Variants in ADGRB2 observed in about 807,000 individuals in gnomAD.
ADGRB2 encodes the protein adhesion G protein-coupled receptor B2, also known as brain-specific angiogenesis inhibitor 2.
A neutral mutation model predicts 178.7 loss-of-function variants in ADGRB2; 47 were observed. That is an observed-to-expected ratio of 0.26 (90% confidence interval 0.21 to 0.34). ADGRB2 has a LOEUF of 0.34. Among genes scored for constraint, ADGRB2 ranks in the 10% least tolerant of loss-of-function variants. ADGRB2 has a pLI of 1.00. For synonymous variants in ADGRB2, 870 were observed against 912.4 expected, an observed-to-expected ratio of 0.95 and a Z score of 0.84; for missense variants, 1,584 against 2,180.8, an observed-to-expected ratio of 0.73 and a Z score of 5.45.
In ADGRB2 at chr1:31,731,195, C is replaced by G; in HGVS notation, c.3985G>C (p.Glu1329Gln). 3.7e-6 allele frequency: 6 copies of G among 1,600,144 alleles called. No homozygotes were observed. Among genetic ancestry groups the G allele is most frequent in the Non-Finnish European group, 5.1e-6 (6 of 1,174,096 alleles). The change falls in exon 29 of 33, where the codon GAG (glutamate) becomes CAG (glutamine). Residue 1329 changes from glutamate to glutamine, a missense_variant. Glu to Gln is a conservative substitution (Grantham distance 29, BLOSUM62 2). Around this residue, in one of 3 missense-constraint regions of ADGRB2, gnomAD observed 865 missense variants for 1,192.8 expected, o/e 0.73. Coordinates refer to ENST00000373658, the MANE Select transcript of ADGRB2 (RefSeq NM_001364857.2). ...QEANPVYMCG[E>Q]GGLRQLDLTW... Reference sequence around the variant, plus strand: ...AGGTCCAGCTGCCGCAGGCCACCCTCCCCACACATGTAAACAGGGTTGGCC... The same window carrying G: ...AGGTCCAGCTGCCGCAGGCCACCCTGCCCACACATGTAAACAGGGTTGGCC...
rs1484589360 is a variant in ADGRB2, at chr1:31,739,292, C to T, written c.2495+16G>A. 3.5e-6 allele frequency: 5 copies of T among 1,445,062 alleles called. No individual in the cohort carries two copies. The South Asian group carries it at 4.5e-5, about 13-fold the overall frequency. The allele number at this position is 1,445,062 out of a possible 1,614,324, so 89.5% of individuals were successfully genotyped here. On this transcript the variant is annotated intron_variant, in intron 15 of 32. Coordinates refer to ENST00000373658, the MANE Select transcript of ADGRB2 (RefSeq NM_001364857.2). ...TGGACCCTCAGCAGCCCCAGCCACCCATCCCCAGGACTCACCTGGGAGGCG... is the reference window on the plus strand; with the variant it reads ...TGGACCCTCAGCAGCCCCAGCCACCTATCCCCAGGACTCACCTGGGAGGCG...
rs758481114 is a variant in ADGRB2, at chr1:31,739,974, C to T, written c.2119G>A (p.Asp707Asn). 1.1e-5 allele frequency: 18 copies of T among 1,614,038 alleles called. No individual in the cohort carries two copies. Among genetic ancestry groups the T allele is most frequent in the Admixed American group, 5.0e-5 (3 of 60,014 alleles). Residue 707 changes from aspartate to asparagine, a missense_variant, in exon 14 of 33, where the codon GAT (aspartate) becomes AAT (asparagine). Around this residue, in one of 3 missense-constraint regions of ADGRB2, gnomAD observed 62 missense variants for 140.3 expected, o/e 0.44. Transcript: ENST00000373658. ...VVEDFIHLVG[D>N]ALKAFQSSLI... ...GAGCTCTGGAAGGCCTTGAGAGCAT[C>T]GCCCACCAGGTGAATGAAGTCCTCC...
intron 1 of ADGRB2, among the ~76,000 whole-genome samples, chr1:31,762,816 G>A (rs897286954): frequency 3.9e-5 from 6 of 152,318 alleles, no homozygotes; most frequent in Middle Eastern, 3.4e-3. Context: ...CAGGCTTCGG[G>A]CAGGGGGCGC....
rs564628352 is a variant in ADGRB2 at position 31,728,579 on chromosome 1, GCA to G, written c.4416+17_4416+18del. The G allele has an allele frequency of 1.3e-4, 216 of 1,614,088 alleles. No homozygotes were observed. In the African/African-American group the frequency reaches 2.7e-3, roughly 21 times the overall value. On this transcript the variant is annotated intron_variant, in intron 30 of 32. Transcript: ENST00000373658. The surrounding 1 kb of genome is among the most constrained non-coding windows in gnomAD (Gnocchi z 6.7). ...CCACAGCCAGATGTCCCACCGCCCA[GCA>G]CACACATGGCCCTTACCTCAAAGTC...
At chr1:31,762,353 C>T (rs553616374) in intron 1 of ADGRB2, among the ~76,000 whole-genome samples, 4 of 152,242 alleles carry the variant, frequency 2.6e-5, no homozygotes, top group African/African-American at 9.6e-5. Flanking sequence ...GCAGAGGATA[C>T]TCCCCAGGTG....
Position 31,764,110 on chromosome 1 carries a change from C to A in ADGRB2, c.-417G>T. The A allele has an allele frequency of 1.2e-6, 1 of 852,088 alleles. No individual in the cohort carries two copies. Among genetic ancestry groups the A allele is most frequent in the Non-Finnish European group, 1.4e-6 (1 of 713,906 alleles). The allele number at this position is 852,088 out of a possible 1,614,324, so 52.8% of individuals were successfully genotyped here. ...CGCCGGGCCGGGCGCGGGCTCCTGC[C>A]GCCGCCGCCGCCGCCGCCTCCTTGC... On this transcript the variant is annotated 5_prime_UTR_variant, in exon 1 of 33. Coordinates refer to ENST00000373658, the MANE Select transcript of ADGRB2 (RefSeq NM_001364857.2). The surrounding 1 kb of genome is among the most constrained non-coding windows in gnomAD (Gnocchi z 7.3).
At position 31,754,319 on chromosome 1, in the gene ADGRB2, G is replaced by A. The variant is rs1286239913; in HGVS notation, c.838+1680C>T. The stretch of plus-strand genomic sequence containing the variant: ...TGCCCGCCCATGAGGGCAGAGCCTT[G>A]CTCCGTCCACTGCAGATCACTGGAC... On this transcript the variant is annotated intron_variant, in intron 4 of 32. Coordinates refer to ENST00000373658, the MANE Select transcript of ADGRB2 (RefSeq NM_001364857.2). The surrounding 1 kb of genome is among the most constrained non-coding windows in gnomAD (Gnocchi z 5.7). Among the ~76,000 whole-genome samples the A allele has an allele frequency of 1.3e-5, 2 of 152,248 alleles. No individual in the cohort carries two copies. Among genetic ancestry groups the A allele is most frequent in the Non-Finnish European group, 2.9e-5 (2 of 68,038 alleles).
intron 1 of ADGRB2, among the ~76,000 whole-genome samples, chr1:31,762,330 C>T (rs1317621051): frequency 1.3e-5 from 2 of 152,152 alleles, no homozygotes; most frequent in Non-Finnish European, 2.9e-5. Context: ...CTGCCCCTCA[C>T]CCCAGTAGCA....
Position 31,735,574 on chromosome 1 carries a change from C to G in ADGRB2, c.3353+6G>C, listed in dbSNP as rs12409382. The G allele has an allele frequency of 6.9e-5, 111 of 1,613,762 alleles. No homozygotes were observed. Among genetic ancestry groups the G allele is most frequent in the Admixed American group, 2.5e-4 (15 of 60,012 alleles). On this transcript the variant is annotated splice_donor_region_variant and intron_variant, in intron 24 of 32. Coordinates refer to ENST00000373658, the MANE Select transcript of ADGRB2 (RefSeq NM_001364857.2). The surrounding 1 kb of genome is among the most constrained non-coding windows in gnomAD (Gnocchi z 6.0). ...AAAGGCCAAGTCTCAGAGGCCCCCCCCTTACCCGGCCCTCTGCTTCTTGGA... is the reference window on the plus strand; with the variant it reads ...AAAGGCCAAGTCTCAGAGGCCCCCCGCTTACCCGGCCCTCTGCTTCTTGGA...
At chr1:31,732,074 C>T in intron 28 of ADGRB2, 41 bp downstream of exon 28, 1 of 1,612,540 alleles carries the variant, frequency 6.2e-7, no homozygotes, top group South Asian at 1.1e-5. Flanking sequence ...CCTTCTTCTC[C>T]AACCCCAGGA....
In ADGRB2 at chr1:31,759,282, T is replaced by C. The variant is rs1395401767; in HGVS notation, c.-190-1771A>G. On this transcript the variant is annotated intron_variant, in intron 1 of 32. Transcript: ENST00000373658. This position sits in a 1 kb window ranked among gnomAD's most constrained non-coding sequence, Gnocchi z 4.3. ...GTGTAGAGGCTTACACTTGTACACA[T>C]GCACAGAGGTGCACACGCATTCTCG... 1.3e-6 allele frequency: 1 copy of C among 779,608 alleles called. No individual in the cohort carries two copies. Among genetic ancestry groups the C allele is most frequent in the South Asian group, 1.3e-5 (1 of 74,620 alleles). The allele number at this position is 779,608 out of a possible 1,614,324, so 48.3% of individuals were successfully genotyped here. A position where few individuals can be genotyped will look rare whatever the true frequency, so the allele number is the denominator to read the frequency against.
Position 31,728,355 on chromosome 1 carries a change from C to A in ADGRB2, c.4417-75G>T, listed in dbSNP as rs1443028941. 1.4e-6 allele frequency: 2 copies of A among 1,459,246 alleles called. No homozygotes were observed. Among genetic ancestry groups the A allele is most frequent in the Non-Finnish European group, 1.9e-6 (2 of 1,055,514 alleles). 90.4% of individuals were successfully genotyped at this position (1,459,246 alleles called of 1,614,324 possible). ...TCCCCCCTACCCAGGGCACTCAGCA[C>A]CCCAAGCCCCCCACATCCCTCCCTG... On this transcript the variant is annotated intron_variant, in intron 30 of 32. Transcript: ENST00000373658. This position sits in a 1 kb window ranked among gnomAD's most constrained non-coding sequence, Gnocchi z 6.7.
rs367550636 is a variant in ADGRB2 at position 31,756,649 on chromosome 1, G to A, written c.188C>T (p.Ser63Leu). 188 of 1,608,768 alleles carry A rather than the reference G, an allele frequency of 1.2e-4. No individual in the cohort carries two copies. The highest frequency in any genetic ancestry group is 1.4e-4 in the Non-Finnish European group (169 of 1,177,328). ...GTTCTCCAGGGTCCAGGAGCAGCCC[G>A]AGGCGATGGTAGGAAAGAGGTCCTG... ...SLQDLFPTIASGCSWTLENPD... is the reference protein window; with the variant it reads ...SLQDLFPTIALGCSWTLENPD... The change falls in exon 4 of 33, where the codon TCG becomes TTG. Residue 63 changes from serine (S) to leucine (L), a missense_variant. Physicochemically the swap from Ser to Leu is moderately radical, Grantham distance 145. Around this residue, in one of 3 missense-constraint regions of ADGRB2, gnomAD observed 657 missense variants for 847.6 expected, o/e 0.78. Transcript: ENST00000373658. This position sits in a 1 kb window ranked among gnomAD's most constrained non-coding sequence, Gnocchi z 8.5.
In ADGRB2 at chr1:31,741,136, T is replaced by C. The variant is rs1337858762; in HGVS notation, c.1794+237A>G. On this transcript the variant is annotated intron_variant, in intron 11 of 32. Coordinates refer to ENST00000373658, the MANE Select transcript of ADGRB2 (RefSeq NM_001364857.2). The surrounding 1 kb of genome is among the most constrained non-coding windows in gnomAD (Gnocchi z 6.5). ...GACACTTGGATGAGCACCTAATGAC[T>C]GAGGAGCTCATTCTGCAGGAGCGCA... Among the ~76,000 whole-genome samples the C allele has an allele frequency of 6.6e-6, 1 of 152,142 alleles. No homozygotes were observed. Among genetic ancestry groups the C allele is most frequent in the African/African-American group, 2.4e-5 (1 of 41,432 alleles).
chr1:31,756,823 G>C lies in ADGRB2; in HGVS notation c.22-8C>G. The C allele has an allele frequency of 6.9e-7, 1 of 1,459,218 alleles. No homozygotes were observed. The highest frequency in any genetic ancestry group is 9.1e-7 in the Non-Finnish European group (1 of 1,102,834). The allele number at this position is 1,459,218 out of a possible 1,614,324, so 90.4% of individuals were successfully genotyped here. ...CATCCTATGTCCCTTGCCCTGTGGA[G>C]AGAGACAGTGGTCAGCGGGCCCCCA... On this transcript the variant is annotated splice_region_variant and splice_polypyrimidine_tract_variant and intron_variant, in intron 3 of 32. Coordinates refer to ENST00000373658, the MANE Select transcript of ADGRB2 (RefSeq NM_001364857.2). This position sits in a 1 kb window ranked among gnomAD's most constrained non-coding sequence, Gnocchi z 8.5.
At position 31,753,289 on chromosome 1, in the gene ADGRB2, A is replaced by C. The variant is rs1050994999; in HGVS notation, c.838+2710T>G. On this transcript the variant is annotated intron_variant, in intron 4 of 32. Coordinates refer to ENST00000373658, the MANE Select transcript of ADGRB2 (RefSeq NM_001364857.2). This position sits in a 1 kb window ranked among gnomAD's most constrained non-coding sequence, Gnocchi z 4.1. ...CAGATTGCGGCAGCAAGATGGCACA[A>C]ATTTATGGCTCAACTCACCAAAAAT... Among the ~76,000 whole-genome samples the C allele has an allele frequency of 5.3e-5, 8 of 152,166 alleles. No homozygotes were observed. The highest frequency in any genetic ancestry group is 2.0e-4 in the Admixed American group (3 of 15,286).
chr1:31,739,050 G>A (rs1295988561), intron 15 of ADGRB2, 113 bp from the exon 16 acceptor site: 2 of 1,011,796 alleles, frequency 2.0e-6, no homozygotes, highest in Admixed American at 2.4e-5. Context: ...AAGGCCCAGG[G>A]GAAGGCCTAA....
Position 31,744,121 on chromosome 1 carries a change from G to A in ADGRB2, c.1087+72C>T. Reference sequence around the variant, plus strand: ...GGAGGAGGCAACCAACCATTTTGGAGATTAATCTGCCCAAGTCCCAGGCAG... The same window carrying A: ...GGAGGAGGCAACCAACCATTTTGGAAATTAATCTGCCCAAGTCCCAGGCAG... On this transcript the variant is annotated intron_variant, in intron 6 of 32. Coordinates refer to ENST00000373658, the MANE Select transcript of ADGRB2 (RefSeq NM_001364857.2). The surrounding 1 kb of genome is among the most constrained non-coding windows in gnomAD (Gnocchi z 6.7). 1 of 1,447,046 alleles carries A rather than the reference G, an allele frequency of 6.9e-7. No individual in the cohort carries two copies. The highest frequency in any genetic ancestry group is 9.1e-7 in the Non-Finnish European group (1 of 1,093,084). 89.6% of individuals were successfully genotyped at this position (1,447,046 alleles called of 1,614,324 possible). A position where few individuals can be genotyped will look rare whatever the true frequency, so the allele number is the denominator to read the frequency against.
chr1:31,744,621 A>C lies in ADGRB2; in HGVS notation c.922+27T>G, dbSNP rs767215664. On this transcript the variant is annotated intron_variant, in intron 5 of 32. Transcript: ENST00000373658. The surrounding 1 kb of genome is among the most constrained non-coding windows in gnomAD (Gnocchi z 6.7). ...ACGCACACAGTCGGGCCCCCGCCGC[A>C]GAGGAAGGGAGGCGGGCCCGAGTTA... The C allele has an allele frequency of 6.2e-7, 1 of 1,611,814 alleles. No individual in the cohort carries two copies. Among genetic ancestry groups the C allele is most frequent in the Non-Finnish European group, 8.5e-7 (1 of 1,178,384 alleles).
Sources: allele counts gnomAD v4.1 joint callset (sites outside exome capture counted in the v4.1 genomes callset), GRCh38; gene constraint gnomAD v4.1.1; regional missense constraint gnomAD v4.1.1; non-coding constraint Gnocchi (gnomAD v3.1); transcripts MANE v1.5; gene names NCBI Gene and HGNC (gene_info 2026-07-23, HGNC 2026-07-21).